TBL1X: variants seen among roughly 807,000 people sequenced by gnomAD.
The protein encoded by TBL1X is transducin beta like 1 X-linked, also known as F-box-like/WD repeat-containing protein TBL1X.
Under a neutral mutation model 50.7 loss-of-function variants are expected in TBL1X, and 10 were observed. That is an observed-to-expected ratio of 0.20 (90% CI 0.12 to 0.33). The LOEUF (loss-of-function observed/expected upper bound fraction) is 0.33, where lower values mean the gene tolerates loss of function less well. Ranked by LOEUF, TBL1X falls within the 10% of genes least tolerant of loss-of-function variation. TBL1X has a pLI of 1.00. For missense variants in TBL1X, 340 were observed against 504.4 expected (o/e 0.67, Z 3.12); for synonymous variants, 190 against 214.7 (o/e 0.88, Z 1.01).
At chrX:9,526,789 A>C (rs1415064899) in intron 2 of TBL1X, among the ~76,000 whole-genome samples, 1 of 112,349 alleles carries the variant, frequency 8.9e-6, no homozygotes, top group Non-Finnish European at 1.9e-5. Flanking sequence ...AGCATGTGTC[A>C]GCAGCTTCCC....
At position 9,672,972 on chromosome X, in the gene TBL1X, G is replaced by A. The variant is rs762084393; in HGVS notation, c.212-11071G>A. ...GAGATTCAGTGTCTGGTGGGGACCC[G>A]CTTCCTGGTTCATAGATGGCGCCTT... is the stretch of plus-strand genomic sequence containing the variant. On this transcript the variant is annotated intron_variant, in intron 5 of 17. Coordinates refer to ENST00000645353, the MANE Select transcript of TBL1X (RefSeq NM_005647.4). Among the ~76,000 whole-genome samples the A allele has an allele frequency of 2.4e-3, 268 of 111,727 alleles. 2 individuals carry two copies. Among genetic ancestry groups the A allele is most frequent in the African/African-American group, 8.2e-3 (252 of 30,710 alleles).
At chrX:9,500,611 A>C (rs1243193558) in intron 1 of TBL1X, among the ~76,000 whole-genome samples, 4 of 111,757 alleles carry the variant, frequency 3.6e-5, no homozygotes, top group Non-Finnish European at 7.5e-5. Context: ...AAACAAAAAA[A>C]ACTACTCTCC....
At position 9,550,963 on chromosome X, in the gene TBL1X, C is replaced by G. The variant is rs775315818; in HGVS notation, c.-131+49114C>G. Among the ~76,000 whole-genome samples the G allele has an allele frequency of 3.6e-5, 4 of 110,454 alleles. No individual in the cohort carries two copies. The East Asian group carries it at 8.5e-4, about 24-fold the overall frequency. On this transcript the variant is annotated intron_variant, in intron 2 of 17. Coordinates refer to ENST00000645353, the MANE Select transcript of TBL1X (RefSeq NM_005647.4). ...AACATCCTACAGTGTGCAGGACAGC[C>G]CCCCCCCAACCAAGAATGATTTAGC...
intron 2 of TBL1X, among the ~76,000 whole-genome samples, chrX:9,534,174 C>T (rs898282420): frequency 7.2e-5 from 8 of 111,590 alleles, no homozygotes; most frequent in Admixed American, 2.8e-4. Flanking sequence ...GGTGGACAGC[C>T]ATTTTTCTCC....
intron 12 of TBL1X, among the ~76,000 whole-genome samples, chrX:9,702,864 C>G (rs1023108405): frequency 1.4e-4 from 16 of 111,723 alleles, no homozygotes; most frequent in Admixed American, 1.3e-3. Flanking sequence ...CTGCTGCCTC[C>G]TCTCCTGGGG....
intron 2 of TBL1X, among the ~76,000 whole-genome samples, chrX:9,569,977 C>G (rs755565980): frequency 8.9e-6 from 1 of 112,115 alleles, no homozygotes; most frequent in South Asian, 3.7e-4. Context: ...GGGGCGCAGT[C>G]CTGGCATGGG....
At chrX:9,694,962 A>AT (rs1569101944) in intron 11 of TBL1X, among the ~76,000 whole-genome samples, 1 of 88,531 alleles carries the variant, frequency 1.1e-5, no homozygotes, top group African/African-American at 3.8e-5. Context: ...TTCATCTCAA[A>AT]TAAATAAATA....
chrX:9,579,843 C>T (rs1041725655), intron 2 of TBL1X, among the ~76,000 whole-genome samples: 1 of 111,042 alleles, frequency 9.0e-6, no homozygotes, highest in Non-Finnish European at 1.9e-5. Context: ...TTTCAACCAC[C>T]GTGATAGAAT....
chrX:9,487,768 G>A (rs1398671936), intron 1 of TBL1X, among the ~76,000 whole-genome samples: 2 of 111,399 alleles, frequency 1.8e-5, no homozygotes, highest in Non-Finnish European at 3.8e-5. Flanking sequence ...TGGGCCTGCA[G>A]GTCTCTCTTG....
At chrX:9,632,327 TG>T (rs2082725624) in intron 2 of TBL1X, among the ~76,000 whole-genome samples, 2 of 112,013 alleles carry the variant, frequency 1.8e-5, no homozygotes, top group African/African-American at 6.5e-5. Flanking sequence ...TCACCCAGGC[TG>T]GAGTGCAGTG....
intron 5 of TBL1X, among the ~76,000 whole-genome samples, chrX:9,659,313 C>A (rs1368214496): frequency 1.8e-5 from 2 of 112,100 alleles, no homozygotes; most frequent in Non-Finnish European, 3.8e-5. Context: ...TGCTCTGTCC[C>A]TAGAGTTTTG....
chrX:9,553,479 T>G (rs1326545451), intron 2 of TBL1X, among the ~76,000 whole-genome samples: 1 of 111,682 alleles, frequency 9.0e-6, no homozygotes, highest in Non-Finnish European at 1.9e-5. Flanking sequence ...TGGAGATTCT[T>G]TGTGACAGCA....
chrX:9,691,125 C>G (rs1172868060), intron 7 of TBL1X, among the ~76,000 whole-genome samples: 1 of 111,767 alleles, frequency 8.9e-6, no homozygotes, highest in Non-Finnish European at 1.9e-5. Context: ...TGCACTAAAG[C>G]CACGATTTCG....
At chrX:9,649,254 T>C (rs1375365432) in intron 3 of TBL1X, among the ~76,000 whole-genome samples, 1 of 112,403 alleles carries the variant, frequency 8.9e-6, no homozygotes, top group African/African-American at 3.2e-5. Flanking sequence ...AAAATAATCA[T>C]TTAAAAGCTA....
rs181173206 is a variant in TBL1X at position 9,600,171 on chromosome X, G to T, written c.-130-40102G>T. ...GATCCGGCTGCTGTAACAAAATACC[G>T]TAGACTGAGTGGCTTATAAAAAATA... On this transcript the variant is annotated intron_variant, in intron 2 of 17. Transcript: ENST00000645353. Among the ~76,000 whole-genome samples, 551 of 111,417 alleles carry T rather than the reference G, an allele frequency of 4.9e-3. 7 individuals are homozygous for T. Among genetic ancestry groups the T allele is most frequent in the African/African-American group, 0.017 (526 of 30,637 alleles).
chrX:9,642,586 G>C (rs1052739863), intron 3 of TBL1X, among the ~76,000 whole-genome samples: 2 of 111,780 alleles, frequency 1.8e-5, no homozygotes, highest in African/African-American at 6.5e-5. Flanking sequence ...CACTGTTGAA[G>C]TTCTCAGGCA....
intron 3 of TBL1X, among the ~76,000 whole-genome samples, chrX:9,644,242 T>G (rs1474040383): frequency 8.9e-6 from 1 of 111,882 alleles, no homozygotes; most frequent in African/African-American, 3.2e-5. Context: ...TCATAATGGA[T>G]CTGGATATCA....
At chrX:9,626,406 G>A (rs1329452111) in intron 2 of TBL1X, among the ~76,000 whole-genome samples, 2 of 111,580 alleles carry the variant, frequency 1.8e-5, no homozygotes, top group African/African-American at 3.3e-5. Flanking sequence ...TAGTAGACAC[G>A]GAAGTCTTTT....
intron 5 of TBL1X, among the ~76,000 whole-genome samples, chrX:9,655,249 G>A (rs1383766857): frequency 9.0e-6 from 1 of 111,271 alleles, no homozygotes; most frequent in East Asian, 2.8e-4. Context: ...GAGGACAGAA[G>A]TCCAAGATGA....
Sources: gnomAD v4.1 joint callset for allele counts (sites outside exome capture counted in the v4.1 genomes callset) on GRCh38, gnomAD v4.1.1 for gene constraint, MANE v1.5 for transcripts, NCBI Gene and HGNC (gene_info 2026-07-23, HGNC 2026-07-21) for gene names.